The following HPGD variants were observed in gnomAD, a reference collection of about 807,000 sequenced individuals.
HPGD encodes the protein 15-hydroxyprostaglandin dehydrogenase, also known as 15-hydroxyprostaglandin dehydrogenase [NAD(+)].
Under a neutral mutation model 30.0 loss-of-function variants are expected in HPGD, and 29 were observed. The ratio of observed to expected loss-of-function variants is 0.97; its 90% CI spans 0.72 to 1.32. The LOEUF (loss-of-function observed/expected upper bound fraction) is 1.32, where lower values mean the gene tolerates loss of function less well. HPGD is among the 40% of genes most tolerant of loss of function. The pLI, the probability that HPGD is intolerant of heterozygous loss-of-function variation, is 0.00. For synonymous variants in HPGD, 99 were observed against 112.4 expected, an observed-to-expected ratio of 0.88 and a Z score of 0.75; for missense variants, 340 against 322.1, an observed-to-expected ratio of 1.06 and a Z score of -0.43.
intron 4 of HPGD, among the ~76,000 whole-genome samples, chr4:174,505,067 T>C (rs1735120078): frequency 6.6e-6 from 1 of 152,226 alleles, no homozygotes; most frequent in African/African-American, 2.4e-5. Flanking sequence ...GAACAACTTG[T>C]GGAACTCCAG....
intron 3 of HPGD, among the ~76,000 whole-genome samples, chr4:174,512,470 A>T (rs144096481): frequency 6.6e-5 from 10 of 152,382 alleles, no homozygotes; most frequent in African/African-American, 2.4e-4. Flanking sequence ...ACTCTCTGAC[A>T]TGAGCAGTAA....
Position 174,495,531 on chromosome 4 carries a change from G to T in HPGD, c.498+17C>A. On this transcript the variant is annotated intron_variant, in intron 5 of 6. Transcript: ENST00000296522. ...GTACAAAGAGAAAATGAGATATGAC[G>T]GTTGTTGTAGCCTCACCGCTGCTGA... 6.4e-7 allele frequency: 1 copy of T among 1,572,394 alleles called. No individual in the cohort carries two copies. The highest frequency in any genetic ancestry group is 8.8e-7 in the Non-Finnish European group (1 of 1,142,096).
At chr4:174,505,262 T>A (rs1735125961) in intron 4 of HPGD, among the ~76,000 whole-genome samples, 1 of 152,190 alleles carries the variant, frequency 6.6e-6, no homozygotes, top group Non-Finnish European at 1.5e-5. Context: ...CTCCACTGTA[T>A]CCACGCTAGA....
intron 5 of HPGD, chr4:174,493,526 T>A (rs1734443985): frequency 1.2e-5 from 6 of 507,834 alleles, no homozygotes; most frequent in African/African-American, 1.9e-5. Flanking sequence ...TTAATTTTTT[T>A]TAAAAATCAG....
chr4:174,497,784 G>A (rs1034619792), intron 4 of HPGD, among the ~76,000 whole-genome samples: 10 of 151,136 alleles, frequency 6.6e-5, no homozygotes, highest in Non-Finnish European at 1.3e-4. Flanking sequence ...CACCATGTTG[G>A]CCAGGATGGT....
intron 4 of HPGD, among the ~76,000 whole-genome samples, chr4:174,502,129 CT>C (rs1346688317): frequency 6.6e-6 from 1 of 151,636 alleles, no homozygotes; most frequent in East Asian, 1.9e-4. Context: ...GTCACATTTT[CT>C]TTACAACCAA....
At chr4:174,506,202 T>G (rs574222837) in intron 4 of HPGD, among the ~76,000 whole-genome samples, 1 of 152,300 alleles carries the variant, frequency 6.6e-6, no homozygotes, top group South Asian at 2.1e-4. Context: ...ATGGCATGTT[T>G]TGACTTGTGA....
intron 3 of HPGD, among the ~76,000 whole-genome samples, chr4:174,511,897 C>T (rs752996737): frequency 4.2e-4 from 64 of 152,168 alleles, no homozygotes; most frequent in Non-Finnish European, 7.9e-4. Context: ...CCGCCCGCCT[C>T]GGTCTCCCAA....
rs45611037 is a variant in HPGD at position 174,501,780 on chromosome 4, C to T, written c.422-6156G>A. 3.9e-3 allele frequency among the ~76,000 whole-genome samples: 587 copies of T among 151,830 alleles called. 3 individuals are homozygous for T. Among genetic ancestry groups the T allele is most frequent in the Middle Eastern group, 0.021 (6 of 290 alleles). On this transcript the variant is annotated intron_variant, in intron 4 of 6. Coordinates refer to ENST00000296522, the MANE Select transcript of HPGD (RefSeq NM_000860.6). Reference sequence around the variant, plus strand: ...TGTGTACTAATAGAACAAAGAAAGTCATTCAGAAAAAAAAATGTAAATTCC... The same window carrying T: ...TGTGTACTAATAGAACAAAGAAAGTTATTCAGAAAAAAAAATGTAAATTCC...
At position 174,493,187 on chromosome 4, in the gene HPGD, T is replaced by C. The variant is rs573734908; in HGVS notation, c.626A>G (p.His209Arg). 4.4e-6 allele frequency: 7 copies of C among 1,604,976 alleles called. No homozygotes were observed. The highest frequency in any genetic ancestry group is 3.3e-4 in the Middle Eastern group (2 of 6,040). The change falls in exon 6 of 7, where the codon CAT becomes CGT. Residue 209 changes from histidine to arginine, a missense_variant. Transcript: ENST00000296522. ...NMGQYIEYKD[H>R]IKDMIKYYGI... The stretch of plus-strand genomic sequence containing the variant: ...ATAGTATTTAATCATATCCTTGATA[T>C]GATCCTTATATTCTATATATTGTCC...
intron 5 of HPGD, 95 bp downstream of exon 5, chr4:174,495,453 C>T: frequency 1.1e-6 from 1 of 949,130 alleles, no homozygotes; most frequent in Middle Eastern, 2.1e-4. Context: ...CACCTTTCAT[C>T]CAAGTGATTT....
intron 4 of HPGD, chr4:174,495,963 TA>T (rs2110779788): frequency 3.7e-6 from 1 of 268,916 alleles, no homozygotes; most frequent in Admixed American, 5.0e-5. Context: ...GTCAGTAAAT[TA>T]CCACCTAAGT....
At chr4:174,495,652 T>C in intron 4 of HPGD, 28 bp from the exon 5 acceptor site, 1 of 1,527,940 alleles carries the variant, frequency 6.5e-7, no homozygotes, top group Non-Finnish European at 9.1e-7. Context: ...AACATTTAAA[T>C]GCTTTGATGA....
rs1237436802 is a variant in HPGD at position 174,490,989 on chromosome 4, T to C, written c.*967A>G. 6.6e-6 allele frequency: 1 copy of C among 152,388 alleles called. No individual in the cohort carries two copies. Among genetic ancestry groups the C allele is most frequent in the Non-Finnish European group, 1.5e-5 (1 of 67,982 alleles). 9.4% of individuals were successfully genotyped at this position (152,388 alleles called of 1,614,324 possible). A position where few individuals can be genotyped will look rare whatever the true frequency, so the allele number is the denominator to read the frequency against. ...GTCTGTGTTGTTATGAGTTTCAGCA[T>C]GGGTACAAAAACATTTACAGTTGTG... On this transcript the variant is annotated 3_prime_UTR_variant, in exon 7 of 7. Transcript: ENST00000296522. This position sits in a 1 kb window ranked among gnomAD's most constrained non-coding sequence, Gnocchi z 4.4.
intron 2 of HPGD, among the ~76,000 whole-genome samples, chr4:174,519,736 T>C (rs185353802): frequency 1.7e-3 from 265 of 152,250 alleles, no homozygotes; most frequent in African/African-American, 5.7e-3. Flanking sequence ...TTCCTTTACC[T>C]ACCCAAATCT....
chr4:174,495,329 A>T lies in HPGD; in HGVS notation c.498+219T>A, dbSNP rs555165170. 48 of 569,140 alleles carry T rather than the reference A, an allele frequency of 8.4e-5. 1 individual carries two copies. In the East Asian group the frequency reaches 1.3e-3, roughly 16 times the overall value. The allele number at this position is 569,140 out of a possible 1,614,324, so 35.3% of individuals were successfully genotyped here. A position where few individuals can be genotyped will look rare whatever the true frequency, so the allele number is the denominator to read the frequency against. The stretch of plus-strand genomic sequence containing the variant: ...TACTTATCCTTAATACATTTTTTTT[A>T]AATAACACATCTGTATTTAGAATCC... On this transcript the variant is annotated intron_variant, in intron 5 of 6. Transcript: ENST00000296522.
intron 5 of HPGD, among the ~76,000 whole-genome samples, chr4:174,495,141 C>T (rs1188827125): frequency 6.6e-6 from 1 of 152,148 alleles, no homozygotes; most frequent in Non-Finnish European, 1.5e-5. Context: ...CAAGTAAATG[C>T]CTGGCCCCAC....
intron 3 of HPGD, among the ~76,000 whole-genome samples, chr4:174,511,185 G>A (rs1319968577): frequency 1.3e-5 from 2 of 150,276 alleles, no homozygotes; most frequent in Non-Finnish European, 2.9e-5. Flanking sequence ...TATTTCCCAG[G>A]GCAAATCTTT....
chr4:174,493,010 T>C (rs1734413258), intron 6 of HPGD, 141 bp downstream of exon 6: 1 of 681,496 alleles, frequency 1.5e-6, no homozygotes, highest in Non-Finnish European at 2.4e-6. Context: ...ATATATTTTC[T>C]CCCAGAGAGT....
Sources: gnomAD v4.1 joint callset for allele counts (sites outside exome capture counted in the v4.1 genomes callset) on GRCh38, gnomAD v4.1.1 for gene constraint, Gnocchi (gnomAD v3.1) non-coding constraint, MANE v1.5 for transcripts, NCBI Gene and HGNC (gene_info 2026-07-23, HGNC 2026-07-21) for gene names.